The following CALN1 variants were observed in gnomAD, a reference collection of about 807,000 sequenced individuals.
CALN1 encodes the protein calneuron 1.
A neutral mutation model predicts 30.6 loss-of-function variants in CALN1; 17 were observed. That is an observed-to-expected ratio of 0.56 (90% CI 0.38 to 0.83). CALN1 has a LOEUF of 0.83. CALN1 is among the 40% of genes least tolerant of loss of function. The pLI, the probability that CALN1 is intolerant of heterozygous loss-of-function variation, is 0.00. For synonymous variants in CALN1, 156 were observed against 131.4 expected (o/e 1.19, Z -1.28); for missense variants, 291 against 354.9 (o/e 0.82, Z 1.45).
At chr7:72,501,739 T>C in the CALN1 span, among the ~76,000 whole-genome samples, 5,793 of 149,832 alleles carry the variant, frequency 0.039, 150 homozygotes, top group Non-Finnish European at 0.06. Context: ...TGAAACCACA[T>C]CTGTACTAAA....
intron 4 of CALN1, among the ~76,000 whole-genome samples, chr7:72,049,083 A>G (rs1195993049): frequency 4.6e-5 from 7 of 152,270 alleles, no homozygotes; most frequent in Admixed American, 6.5e-5. Context: ...TGCTGGGATT[A>G]TCGGTGTGAG....
chr7:72,325,124 A>AC (rs1801181081), intron 2 of CALN1, among the ~76,000 whole-genome samples: 1 of 148,336 alleles, frequency 6.7e-6, no homozygotes, highest in African/African-American at 2.5e-5. Flanking sequence ...ACATGGTGAA[A>AC]CCCCGTCTCT....
rs115246181 is a variant in CALN1 at position 71,980,034 on chromosome 7, C to T, written c.501+43623G>A. Among the ~76,000 whole-genome samples, 1,031 of 151,680 alleles carry T rather than the reference C, an allele frequency of 6.8e-3. 11 individuals are homozygous for T. Among genetic ancestry groups the T allele is most frequent in the African/African-American group, 0.022 (921 of 41,386 alleles). The stretch of plus-strand genomic sequence containing the variant: ...CTGGGATTACAGGTGTGTGCCACCA[C>T]ATCCAGTTAGTTTTTGTATTTTTAG... On this transcript the variant is annotated intron_variant, in intron 5 of 6. Coordinates refer to ENST00000395275, the MANE Select transcript of CALN1 (RefSeq NM_031468.4).
At chr7:72,327,540 T>C (rs1350441897) in intron 2 of CALN1, among the ~76,000 whole-genome samples, 2 of 152,198 alleles carry the variant, frequency 1.3e-5, no homozygotes, top group Non-Finnish European at 2.9e-5. Context: ...TTTTCCTGTT[T>C]TCAAAGAATA....
intron 3 of CALN1, among the ~76,000 whole-genome samples, chr7:72,213,597 GA>G (rs894939956): frequency 1.1e-4 from 16 of 152,156 alleles, no homozygotes; most frequent in African/African-American, 3.1e-4. Flanking sequence ...GCTGTTGGGG[GA>G]AAAAAAGAAA....
intron 5 of CALN1, among the ~76,000 whole-genome samples, chr7:71,920,100 G>T (rs907328682): frequency 6.6e-6 from 1 of 152,136 alleles, no homozygotes; most frequent in Non-Finnish European, 1.5e-5. Context: ...CTGTTTAAAG[G>T]ATTGCAGACA....
At chr7:72,477,321 G>A in the CALN1 span, among the ~76,000 whole-genome samples, 1 of 152,194 alleles carries the variant, frequency 6.6e-6, no homozygotes, top group African/African-American at 2.4e-5. Flanking sequence ...TGAGTTGAAG[G>A]TGAGGGACAG....
intron 3 of CALN1, among the ~76,000 whole-genome samples, chr7:72,178,144 AAT>A (rs1789497550): frequency 6.6e-6 from 1 of 152,242 alleles, no homozygotes. Flanking sequence ...TCAGAAGGAG[AAT>A]AAGGCCCAAT....
chr7:71,928,786 T>C (rs1186109172), intron 5 of CALN1, among the ~76,000 whole-genome samples: 1 of 151,966 alleles, frequency 6.6e-6, no homozygotes, highest in African/African-American at 2.4e-5. Flanking sequence ...AATATCACCA[T>C]TTTGGGAGGC....
intron 3 of CALN1, among the ~76,000 whole-genome samples, chr7:72,249,495 G>C (rs1335863602): frequency 6.9e-6 from 1 of 145,170 alleles, no homozygotes; most frequent in African/African-American, 2.7e-5. Flanking sequence ...TCTATCCACA[G>C]GATCTTCAAC....
At position 72,245,298 on chromosome 7, in the gene CALN1, G is replaced by C. The variant is rs531995575; in HGVS notation, c.244+33388C>G. ...GACTTTTCCTGCAACCCTACGTGCAGTACTGTGATGTGACTCATTTTAAAG... is the reference window on the plus strand; with the variant it reads ...GACTTTTCCTGCAACCCTACGTGCACTACTGTGATGTGACTCATTTTAAAG... On this transcript the variant is annotated intron_variant, in intron 3 of 6. Coordinates refer to ENST00000395275, the MANE Select transcript of CALN1 (RefSeq NM_031468.4). Among the ~76,000 whole-genome samples the C allele has an allele frequency of 2.7e-4, 41 of 152,256 alleles. No individual in the cohort carries two copies. In the South Asian group the frequency reaches 6.6e-3, roughly 25 times the overall value.
chr7:71,804,231 C>T (rs1195842736), intron 6 of CALN1, among the ~76,000 whole-genome samples: 3 of 152,106 alleles, frequency 2.0e-5, no homozygotes, highest in African/African-American at 4.8e-5. Context: ...AACATGGGCC[C>T]GCCACAGTGG....
At chr7:72,047,933 A>G (rs1402906451) in intron 4 of CALN1, among the ~76,000 whole-genome samples, 3 of 152,164 alleles carry the variant, frequency 2.0e-5, no homozygotes, top group Non-Finnish European at 2.9e-5. Flanking sequence ...TGTCTGGGAC[A>G]GTGGTCTCCA....
chr7:72,502,768 G>T, the CALN1 span, among the ~76,000 whole-genome samples: 57 of 152,086 alleles, frequency 3.7e-4, no homozygotes, highest in African/African-American at 1.3e-3. Flanking sequence ...GGCACACTAG[G>T]AAAACAATTT....
chr7:72,139,043 A>G (rs1809702293), intron 3 of CALN1, among the ~76,000 whole-genome samples: 1 of 152,224 alleles, frequency 6.6e-6, no homozygotes, highest in African/African-American at 2.4e-5. Context: ...TGGTACCTCC[A>G]GCATCCAGAG....
rs373873170 is a variant in CALN1 at position 71,971,993 on chromosome 7, G to GAAAGAAAGAAAAAA, written c.501+51663_501+51664insTTTTTTCTTTCTTT. ...AGAAAGAAAGAAAGAAAGAAAGAAAGAGAAAGAAAGAAAAAAAGAAAGAAA... is the reference window on the plus strand; with the variant it reads ...AGAAAGAAAGAAAGAAAGAAAGAAAGAAAGAAAGAAAAAAAGAAAGAAAGAAAAAAAGAAAGAAA... On this transcript the variant is annotated intron_variant, in intron 5 of 6. Transcript: ENST00000395275. Among the ~76,000 whole-genome samples, 7 of 85,684 alleles carry GAAAGAAAGAAAAAA rather than the reference G, an allele frequency of 8.2e-5. No homozygotes were observed. The East Asian group carries it at 2.2e-3, about 27-fold the overall frequency. The allele number at this position is 85,684 out of a possible 152,430, so 56.2% of individuals were successfully genotyped here.
chr7:71,892,888 AT>A (rs546871731), intron 5 of CALN1, among the ~76,000 whole-genome samples: 12 of 149,432 alleles, frequency 8.0e-5, no homozygotes, highest in African/African-American at 1.7e-4. Context: ...GAACCACGTC[AT>A]TTTTTTTTTG....
At chr7:72,369,783 AATTCACCCATG>A (rs1196269490) in intron 2 of CALN1, among the ~76,000 whole-genome samples, 3 of 152,156 alleles carry the variant, frequency 2.0e-5, no homozygotes, top group Non-Finnish European at 4.4e-5. Context: ...ATTATTCTGA[AATTCACCCATG>A]TTGTGTCTAG....
At chr7:72,448,868 G>A (rs1402949857), upstream of CALN1, among the ~76,000 whole-genome samples, 1 of 152,182 alleles carries the variant, frequency 6.6e-6, no homozygotes, top group Non-Finnish European at 1.5e-5. Flanking sequence ...GCCTCCCAAA[G>A]TGCTGGGATT....
Sources: allele counts gnomAD v4.1 joint callset (sites outside exome capture counted in the v4.1 genomes callset), GRCh38; gene constraint gnomAD v4.1.1; transcripts MANE v1.5; gene names NCBI Gene and HGNC (gene_info 2026-07-23, HGNC 2026-07-21).